Variants in TMEFF1 observed in about 807,000 individuals in gnomAD.
The protein encoded by TMEFF1 is tomoregulin-1.
A neutral mutation model predicts 47.5 loss-of-function variants in TMEFF1; 20 were observed. That is an observed-to-expected ratio of 0.42 (90% confidence interval 0.30 to 0.61). The LOEUF is 0.61. Among genes scored for constraint, TMEFF1 ranks in the 20% least tolerant of loss-of-function variants. The pLI is 0.19. For missense variants in TMEFF1, 411 were observed against 471.1 expected, an observed-to-expected ratio of 0.87 and a Z score of 1.18; for synonymous variants, 162 against 166.3, an observed-to-expected ratio of 0.97 and a Z score of 0.20.
At chr9:100,511,165 CTTCT>C (rs1345555081) in intron 3 of TMEFF1, among the ~76,000 whole-genome samples, 1 of 152,162 alleles carries the variant, frequency 6.6e-6, no homozygotes. Flanking sequence ...TTCTTATATA[CTTCT>C]TTAAGTACAT....
At chr9:100,501,828 A>G (rs996142761) in intron 2 of TMEFF1, among the ~76,000 whole-genome samples, 9 of 152,078 alleles carry the variant, frequency 5.9e-5, no homozygotes, top group Non-Finnish European at 8.8e-5. Context: ...TGTTTTTAGT[A>G]GAGACGGGAT....
intron 9 of TMEFF1, among the ~76,000 whole-genome samples, chr9:100,575,761 A>C (rs1021334662): frequency 6.6e-6 from 1 of 152,088 alleles, no homozygotes; most frequent in African/African-American, 2.4e-5. Flanking sequence ...GTTAGTTATT[A>C]GCAGAGCCCA....
intron 7 of TMEFF1, among the ~76,000 whole-genome samples, chr9:100,551,480 T>G (rs187302588): frequency 2.6e-5 from 4 of 152,338 alleles, no homozygotes; most frequent in Admixed American, 2.6e-4. Context: ...TTCAGTTTTA[T>G]TCACTATATT....
chr9:100,565,682 G>A (rs1839112556), intron 8 of TMEFF1, among the ~76,000 whole-genome samples: 1 of 152,112 alleles, frequency 6.6e-6, no homozygotes, highest in African/African-American at 2.4e-5. Context: ...AGTTCACTGA[G>A]AAAATGGAAG....
intron 3 of TMEFF1, among the ~76,000 whole-genome samples, chr9:100,511,434 A>G (rs1016599154): frequency 1.6e-4 from 25 of 152,086 alleles, no homozygotes; most frequent in Non-Finnish European, 5.9e-5. Context: ...CAATTCCTTA[A>G]CTTGTTAAGT....
chr9:100,535,277 G>A (rs984887453), intron 5 of TMEFF1, among the ~76,000 whole-genome samples: 17 of 151,630 alleles, frequency 1.1e-4, no homozygotes, highest in Non-Finnish European at 1.8e-4. Flanking sequence ...TTTTCTACCT[G>A]TGTTCTCCAT....
In TMEFF1 at chr9:100,555,156, CACACAG is replaced by C. The variant is rs1452040039; in HGVS notation, c.775+5002_775+5007del. On this transcript the variant is annotated intron_variant, in intron 7 of 9. Transcript: ENST00000374879. Reference sequence around the variant, plus strand: ...GACCAAGTATACTTTTTATATTGTACACACAGACACACACACACACACACACACACA... The same window carrying C: ...GACCAAGTATACTTTTTATATTGTACACACACACACACACACACACACACA... Among the ~76,000 whole-genome samples the C allele has an allele frequency of 2.1e-5, 3 of 141,974 alleles. No individual in the cohort carries two copies. The East Asian group carries it at 6.1e-4, about 29-fold the overall frequency. 93.1% of individuals were successfully genotyped at this position (141,974 alleles called of 152,430 possible).
chr9:100,477,823 C>A (rs941783787), intron 1 of TMEFF1, among the ~76,000 whole-genome samples: 1 of 151,968 alleles, frequency 6.6e-6, no homozygotes, highest in South Asian at 2.1e-4. Flanking sequence ...TATGGGGTTT[C>A]ACTGTGTTGC....
At chr9:100,559,165 C>G (rs1838969086) in intron 7 of TMEFF1, among the ~76,000 whole-genome samples, 1 of 152,020 alleles carries the variant, frequency 6.6e-6, no homozygotes, top group South Asian at 2.1e-4. Flanking sequence ...CTTAAAAAAC[C>G]CAAATAGCAA....
intron 5 of TMEFF1, among the ~76,000 whole-genome samples, chr9:100,529,994 C>G (rs1391672686): frequency 3.3e-5 from 5 of 152,006 alleles, no homozygotes; most frequent in African/African-American, 1.2e-4. Context: ...TGAATGACTA[C>G]TGGGTACATA....
intron 5 of TMEFF1, among the ~76,000 whole-genome samples, chr9:100,536,427 T>C (rs946160666): frequency 1.9e-4 from 29 of 152,162 alleles, no homozygotes; most frequent in African/African-American, 6.8e-4. Flanking sequence ...AAGAGAAATA[T>C]GGCCTTTCCT....
chr9:100,473,358 C>T lies in TMEFF1; in HGVS notation c.-187C>T. 1 of 322,398 alleles carries T rather than the reference C, an allele frequency of 3.1e-6. No homozygotes were observed. The highest frequency in any genetic ancestry group is 5.1e-6 in the Non-Finnish European group (1 of 194,370). The allele number at this position is 322,398 out of a possible 1,614,324, so 20.0% of individuals were successfully genotyped here. A position where few individuals can be genotyped will look rare whatever the true frequency, so the allele number is the denominator to read the frequency against. ...CGCACGCGCCCGGACCCGCCGACTCCGTCCCGAGCGCCGCGGGCCCGGGCC... is the reference window on the plus strand; with the variant it reads ...CGCACGCGCCCGGACCCGCCGACTCTGTCCCGAGCGCCGCGGGCCCGGGCC... On this transcript the variant is annotated 5_prime_UTR_variant, in exon 1 of 10. Transcript: ENST00000374879. The surrounding 1 kb of genome is among the most constrained non-coding windows in gnomAD (Gnocchi z 5.4).
chr9:100,487,107 T>C (rs1046289017), intron 1 of TMEFF1, among the ~76,000 whole-genome samples: 2 of 152,008 alleles, frequency 1.3e-5, no homozygotes, highest in African/African-American at 4.8e-5. Flanking sequence ...GTATTCATTT[T>C]CTATAGCTTT....
intron 1 of TMEFF1, among the ~76,000 whole-genome samples, chr9:100,488,740 C>G (rs1051825680): frequency 1.3e-4 from 20 of 152,146 alleles, no homozygotes; most frequent in Admixed American, 8.5e-4. Flanking sequence ...TTACTAAGCT[C>G]ACACAGCTGT....
intron 4 of TMEFF1, among the ~76,000 whole-genome samples, chr9:100,514,067 T>C (rs1310046435): frequency 6.6e-6 from 1 of 152,128 alleles, no homozygotes; most frequent in Non-Finnish European, 1.5e-5. Context: ...TCTTAATGAG[T>C]ATGTACTGTA....
intron 2 of TMEFF1, among the ~76,000 whole-genome samples, chr9:100,500,426 CTG>C (rs1837737208): frequency 6.6e-6 from 1 of 152,100 alleles, no homozygotes; most frequent in African/African-American, 2.4e-5. Context: ...CCCTGATACT[CTG>C]TTCATTTTTT....
chr9:100,574,696 A>T lies in TMEFF1; in HGVS notation c.1059-1820A>T, dbSNP rs190377265. Among the ~76,000 whole-genome samples the T allele has an allele frequency of 1.2e-3, 188 of 152,268 alleles. 1 individual carries two copies. The highest frequency in any genetic ancestry group is 1.6e-3 in the Non-Finnish European group (112 of 68,022). On this transcript the variant is annotated intron_variant, in intron 9 of 9. Coordinates refer to ENST00000374879, the MANE Select transcript of TMEFF1 (RefSeq NM_003692.5). Reference sequence around the variant, plus strand: ...ATTTTTAAGAGGATCAAAGGATGTCAGAGTCAATGAGAAACAATTCTGAGT... The same window carrying T: ...ATTTTTAAGAGGATCAAAGGATGTCTGAGTCAATGAGAAACAATTCTGAGT...
chr9:100,500,340 AT>A (rs927607145), intron 2 of TMEFF1, among the ~76,000 whole-genome samples: 1 of 151,780 alleles, frequency 6.6e-6, no homozygotes, highest in Non-Finnish European at 1.5e-5. Context: ...ATTTCTTAAA[AT>A]TTTTTTTCTG....
intron 1 of TMEFF1, among the ~76,000 whole-genome samples, chr9:100,496,823 G>T (rs1433578357): frequency 5.3e-5 from 8 of 152,170 alleles, no homozygotes; most frequent in Non-Finnish European, 1.2e-4. Flanking sequence ...GGTTGTAATA[G>T]AACCCAGTGT....
Sources: gnomAD v4.1 joint callset for allele counts (sites outside exome capture counted in the v4.1 genomes callset) on GRCh38, gnomAD v4.1.1 for gene constraint, Gnocchi (gnomAD v3.1) non-coding constraint, MANE v1.5 for transcripts, NCBI Gene and HGNC (gene_info 2026-07-23, HGNC 2026-07-21) for gene names.